PPM1E: variants seen among roughly 807,000 people sequenced by gnomAD.
The protein encoded by PPM1E is protein phosphatase, Mg2+/Mn2+ dependent 1E.
Under a neutral mutation model 65.9 loss-of-function variants are expected in PPM1E, and 20 were observed. The ratio of observed to expected loss-of-function variants is 0.30; its 90% CI spans 0.21 to 0.44. The LOEUF is 0.44. Ranked by LOEUF, PPM1E falls within the 20% of genes least tolerant of loss-of-function variation. The probability of loss-of-function intolerance (pLI) is 1.00; values close to 1 mark genes in which losing one functional copy is unlikely to be tolerated. For synonymous variants in PPM1E, 352 were observed against 374.9 expected (o/e 0.94, Z 0.70); for missense variants, 713 against 953.1 (o/e 0.75, Z 3.32).
intron 1 of PPM1E, among the ~76,000 whole-genome samples, chr17:58,827,297 C>T (rs962857746): frequency 6.6e-6 from 1 of 151,852 alleles, no homozygotes; most frequent in Non-Finnish European, 1.5e-5. Context: ...GCCACCATGC[C>T]CAGCTAATTT....
chr17:58,893,579 A>T (rs2051375011), intron 1 of PPM1E, among the ~76,000 whole-genome samples: 1 of 152,182 alleles, frequency 6.6e-6, no homozygotes, highest in African/African-American at 2.4e-5. Flanking sequence ...TCAAGAGTGA[A>T]CCTTAGTGTA....
rs1337626760 is a variant in PPM1E at position 58,981,279 on chromosome 17, C to A, written c.*248C>A. 2 of 416,950 alleles carry A rather than the reference C, an allele frequency of 4.8e-6. No homozygotes were observed. Among genetic ancestry groups the A allele is most frequent in the Non-Finnish European group, 8.5e-6 (2 of 235,924 alleles). 25.8% of individuals were successfully genotyped at this position (416,950 alleles called of 1,614,324 possible). On this transcript the variant is annotated 3_prime_UTR_variant, in exon 7 of 7. Coordinates refer to ENST00000308249, the MANE Select transcript of PPM1E (RefSeq NM_014906.5). ...GATGTGTCTCGACACCAATACACAA[C>A]CCCCTTCCCACCATCCTTCATGTCA...
rs558736256 is a variant in PPM1E at position 58,781,850 on chromosome 17, C to T, written c.464+25389C>T. On this transcript the variant is annotated intron_variant, in intron 1 of 6. Coordinates refer to ENST00000308249, the MANE Select transcript of PPM1E (RefSeq NM_014906.5). ...GCAGTGAGCCAAGATCACGCCTGTGCACTCCAGCCTGGGCAACAGAGCAAG... is the reference window on the plus strand; with the variant it reads ...GCAGTGAGCCAAGATCACGCCTGTGTACTCCAGCCTGGGCAACAGAGCAAG... Among the ~76,000 whole-genome samples, 12 of 151,920 alleles carry T rather than the reference C, an allele frequency of 7.9e-5. No individual in the cohort carries two copies. In the South Asian group the frequency reaches 2.5e-3, roughly 32 times the overall value.
chr17:58,908,753 C>A (rs927411091), intron 1 of PPM1E, among the ~76,000 whole-genome samples: 2 of 152,068 alleles, frequency 1.3e-5, no homozygotes, highest in African/African-American at 4.8e-5. Context: ...TTTTATACTT[C>A]TTTTAGTGGT....
chr17:58,919,897 G>T (rs572543393), intron 1 of PPM1E, among the ~76,000 whole-genome samples: 50 of 152,322 alleles, frequency 3.3e-4, no homozygotes, highest in Middle Eastern at 3.4e-3. Flanking sequence ...CAGTTTTAAA[G>T]GACATATCTT....
intron 1 of PPM1E, among the ~76,000 whole-genome samples, chr17:58,775,920 CAAAAAAAA>C (rs1158158641): frequency 7.6e-5 from 4 of 52,502 alleles, no homozygotes; most frequent in South Asian, 2.6e-3. Context: ...GACTCCGTCT[CAAAAAAAA>C]AAAAAAAAAA....
At chr17:58,891,276 A>G (rs996366432) in intron 1 of PPM1E, among the ~76,000 whole-genome samples, 7 of 151,500 alleles carry the variant, frequency 4.6e-5, no homozygotes, top group Non-Finnish European at 8.8e-5. Context: ...GAAATTAAAT[A>G]AATTTTAAAT....
At chr17:58,906,024 T>C (rs947232354) in intron 1 of PPM1E, among the ~76,000 whole-genome samples, 1 of 152,230 alleles carries the variant, frequency 6.6e-6, no homozygotes, top group Non-Finnish European at 1.5e-5. Context: ...ATTCAGATAG[T>C]TTAATTCTTG....
intron 1 of PPM1E, among the ~76,000 whole-genome samples, chr17:58,794,853 G>T (rs1343418945): frequency 6.7e-6 from 1 of 149,580 alleles, no homozygotes; most frequent in African/African-American, 2.5e-5. Flanking sequence ...TTGACATTGT[G>T]AATAGTGTTG....
chr17:58,876,933 G>A (rs571911092), intron 1 of PPM1E, among the ~76,000 whole-genome samples: 3 of 149,356 alleles, frequency 2.0e-5, no homozygotes, highest in African/African-American at 7.7e-5. Flanking sequence ...ACAGGCACCC[G>A]CCACCACGCC....
chr17:58,882,493 C>T lies in PPM1E; in HGVS notation c.465-73156C>T, dbSNP rs562021138. Among the ~76,000 whole-genome samples the T allele has an allele frequency of 5.0e-4, 76 of 152,060 alleles. 1 individual carries two copies. The highest frequency in any genetic ancestry group is 4.6e-4 in the African/African-American group (19 of 41,464). On this transcript the variant is annotated intron_variant, in intron 1 of 6. Coordinates refer to ENST00000308249, the MANE Select transcript of PPM1E (RefSeq NM_014906.5). ...GCAACGTCTGCTTCCTTGGTTCAAA[C>T]GATTCTTCTGCCTCAGCCTCTCGAG... is the stretch of plus-strand genomic sequence containing the variant.
At chr17:58,971,764 T>C (rs1802224070) in intron 4 of PPM1E, among the ~76,000 whole-genome samples, 1 of 152,188 alleles carries the variant, frequency 6.6e-6, no homozygotes, top group African/African-American at 2.4e-5. Flanking sequence ...ACTCTGAGGA[T>C]TGGTATAGAG....
intron 1 of PPM1E, among the ~76,000 whole-genome samples, chr17:58,815,409 C>T (rs191268359): frequency 1.5e-4 from 23 of 152,216 alleles, no homozygotes; most frequent in Admixed American, 7.9e-4. Flanking sequence ...AGCATATGGT[C>T]CTGATTTTGG....
At position 58,816,777 on chromosome 17, in the gene PPM1E, TA is replaced by T. The variant is rs1567842209; in HGVS notation, c.464+60317del. Among the ~76,000 whole-genome samples, 103 of 14,944 alleles carry T rather than the reference TA, an allele frequency of 6.9e-3. 4 individuals are homozygous for T. The highest frequency in any genetic ancestry group is 0.026 in the South Asian group (19 of 742). 9.8% of individuals were successfully genotyped at this position (14,944 alleles called of 152,430 possible). On this transcript the variant is annotated intron_variant, in intron 1 of 6. Transcript: ENST00000308249. ...ATATATATATATATATATATATATATATATATATATATATATATTTTTTTTT... is the reference window on the plus strand; with the variant it reads ...ATATATATATATATATATATATATATTATATATATATATATATTTTTTTTT...
intron 1 of PPM1E, among the ~76,000 whole-genome samples, chr17:58,799,105 T>G (rs1460885598): frequency 6.6e-6 from 1 of 152,222 alleles, no homozygotes; most frequent in Non-Finnish European, 1.5e-5. Context: ...CATCTAGATA[T>G]CCAGTTGTTC....
chr17:58,762,917 A>T (rs1025819981), intron 1 of PPM1E, among the ~76,000 whole-genome samples: 3 of 141,478 alleles, frequency 2.1e-5, no homozygotes, highest in Non-Finnish European at 4.7e-5. Context: ...AAAAAAAAAA[A>T]TTTGTTTTGG....
At chr17:58,894,167 G>C (rs1283997418) in intron 1 of PPM1E, among the ~76,000 whole-genome samples, 1 of 151,974 alleles carries the variant, frequency 6.6e-6, no homozygotes, top group African/African-American at 2.4e-5. Context: ...TGTCGCTCAG[G>C]CTGGAGTACA....
At chr17:58,786,881 C>A (rs11079356) in intron 1 of PPM1E, among the ~76,000 whole-genome samples, 45,216 of 151,944 alleles carry the variant, frequency 0.3, 7,198 homozygotes, top group Middle Eastern at 0.48. Context: ...CAATCATAAT[C>A]TTTGTGCATA....
At chr17:58,927,550 T>C (rs2143555914) in intron 1 of PPM1E, among the ~76,000 whole-genome samples, 1 of 152,296 alleles carries the variant, frequency 6.6e-6, no homozygotes, top group South Asian at 2.1e-4. Context: ...CCTTTACTGT[T>C]ACCAGTTACC....
Sources: allele counts gnomAD v4.1 joint callset (sites outside exome capture counted in the v4.1 genomes callset), GRCh38; gene constraint gnomAD v4.1.1; transcripts MANE v1.5; gene names NCBI Gene and HGNC (gene_info 2026-07-23, HGNC 2026-07-21).